Variants in ALDH8A1 observed in about 807,000 individuals in gnomAD.
ALDH8A1 encodes aldehyde dehydrogenase 8 family member A1.
In ALDH8A1, 39 loss-of-function variants were observed where a neutral mutation model predicts 43.3. The ratio of observed to expected loss-of-function variants is 0.90; its 90% confidence interval spans 0.70 to 1.18. The LOEUF (loss-of-function observed/expected upper bound fraction) is 1.18, where lower values mean the gene tolerates loss of function less well. ALDH8A1 is among the 50% of genes most tolerant of loss of function. ALDH8A1 has a pLI of 0.00. For synonymous variants in ALDH8A1, 233 were observed against 243.5 expected, an observed-to-expected ratio of 0.96 and a Z score of 0.40; for missense variants, 605 against 622.6, an observed-to-expected ratio of 0.97 and a Z score of 0.30.
chr6:134,942,353 G>C, intron 3 of ALDH8A1, 56 bp downstream of exon 3: 1 of 1,492,448 alleles, frequency 6.7e-7, no homozygotes, highest in Non-Finnish European at 9.0e-7. Context: ...GCCATAGAAT[G>C]TTGTGAGCAT....
At chr6:134,923,600 T>C (rs1776839558) in intron 6 of ALDH8A1, among the ~76,000 whole-genome samples, 1 of 152,336 alleles carries the variant, frequency 6.6e-6, no homozygotes, top group Middle Eastern at 3.4e-3. Context: ...TAATTTGGTT[T>C]AGTAGAAGAT....
At chr6:134,926,380 T>C (rs968173076) in intron 6 of ALDH8A1, among the ~76,000 whole-genome samples, 2 of 151,982 alleles carry the variant, frequency 1.3e-5, no homozygotes, top group Non-Finnish European at 2.9e-5. Context: ...TTTGTATTTT[T>C]AGTAGAGACA....
At chr6:134,948,423 G>A (rs1773989875) in intron 1 of ALDH8A1, among the ~76,000 whole-genome samples, 1 of 152,118 alleles carries the variant, frequency 6.6e-6, no homozygotes, top group Non-Finnish European at 1.5e-5. Context: ...TAATGTGATG[G>A]AGATCCTAAT....
intron 6 of ALDH8A1, among the ~76,000 whole-genome samples, chr6:134,928,344 G>A (rs1776920549): frequency 1.3e-5 from 2 of 152,220 alleles, no homozygotes; most frequent in African/African-American, 4.8e-5. Context: ...AAGTGGGAGT[G>A]CACTGTGCAG....
intron 4 of ALDH8A1, among the ~76,000 whole-genome samples, chr6:134,934,708 A>G (rs548647662): frequency 7.9e-5 from 12 of 152,254 alleles, no homozygotes; most frequent in African/African-American, 2.6e-4. Flanking sequence ...TCTTGAACCC[A>G]GGAGGCAGAG....
chr6:134,925,913 A>G (rs933067366), intron 6 of ALDH8A1, among the ~76,000 whole-genome samples: 4 of 152,156 alleles, frequency 2.6e-5, no homozygotes, highest in Admixed American at 6.6e-5. Flanking sequence ...GTGAGCAACA[A>G]GAGCAAGGGC....
Position 134,918,530 on chromosome 6 carries a change from A to G in ALDH8A1, c.1349T>C (p.Ile450Thr). 6.2e-7 allele frequency: 1 copy of G among 1,614,170 alleles called. No individual in the cohort carries two copies. The highest frequency in any genetic ancestry group is 8.5e-7 in the Non-Finnish European group (1 of 1,180,028). ...SGLVWTNCWL[I>T]RELNLPFGGM... is the part of the protein sequence containing the mutation. ...CCCGAAAGGAAGGTTCAGCTCCCTG[A>G]TGAGCCAGCAGTTGGTCCAGACCAA... Residue 450 changes from isoleucine (I) to threonine (T), a missense_variant, in exon 7 of 7, where the codon ATC becomes ACC. By Grantham distance (89) the Ile-to-Thr change is moderately conservative. Coordinates refer to ENST00000265605, the MANE Select transcript of ALDH8A1 (RefSeq NM_022568.4).
At chr6:134,947,695 T>G (rs1773976538) in intron 1 of ALDH8A1, among the ~76,000 whole-genome samples, 1 of 151,322 alleles carries the variant, frequency 6.6e-6, no homozygotes, top group African/African-American at 2.4e-5. Context: ...CCACAACGAG[T>G]TATTATCTCA....
intron 6 of ALDH8A1, among the ~76,000 whole-genome samples, chr6:134,921,296 C>T (rs1291851132): frequency 5.9e-5 from 9 of 152,272 alleles, no homozygotes; most frequent in African/African-American, 2.2e-4. Context: ...GTGCTTCCTC[C>T]GGCCTCATTG....
chr6:134,939,653 G>T, intron 3 of ALDH8A1, among the ~76,000 whole-genome samples: 1 of 151,992 alleles, frequency 6.6e-6, no homozygotes, highest in Admixed American at 6.6e-5. Context: ...CCATTTCTTG[G>T]CAGTTCATGA....
At position 134,932,889 on chromosome 6, in the gene ALDH8A1, G is replaced by A. The variant is rs1245841313; in HGVS notation, c.736C>T (p.His246Tyr). 6.2e-7 allele frequency: 1 copy of A among 1,614,104 alleles called. No individual in the cohort carries two copies. Among genetic ancestry groups the A allele is most frequent in the Non-Finnish European group, 8.5e-7 (1 of 1,180,052 alleles). The change falls in exon 5 of 7, where the codon CAC (histidine) becomes TAC (tyrosine). Residue 246 changes from histidine (H) to tyrosine (Y), a missense_variant. By Grantham distance (83) the His-to-Tyr change is moderately conservative. Transcript: ENST00000265605. ...AERITQLSAP[H>Y]CKKLSLELGG... ...AGCTCCAGGGAGAGCTTTTTGCAGT[G>A]GGGAGCGCTCAGCTGGGTGATCCGC...
At chr6:134,928,082 A>G (rs1562252914) in intron 6 of ALDH8A1, among the ~76,000 whole-genome samples, 1 of 152,108 alleles carries the variant, frequency 6.6e-6, no homozygotes. Context: ...CACAAGCCTC[A>G]AGTGAGCCCT....
At chr6:134,935,476 A>G (rs1773717892) in intron 4 of ALDH8A1, among the ~76,000 whole-genome samples, 1 of 152,258 alleles carries the variant, frequency 6.6e-6, no homozygotes, top group Non-Finnish European at 1.5e-5. Flanking sequence ...TGGTTCATGA[A>G]TGGGGAAGCT....
At chr6:134,944,020 G>A in intron 1 of ALDH8A1, 54 bp from the exon 2 acceptor site, 1 of 1,559,482 alleles carries the variant, frequency 6.4e-7, no homozygotes, top group Admixed American at 1.9e-5. Flanking sequence ...GTCCTTGGGG[G>A]ATGGACAAAA....
At position 134,918,699 on chromosome 6, in the gene ALDH8A1, C is replaced by A; in HGVS notation, c.1180G>T (p.Gly394Cys). ...AAGGGGACGACACACGTCACTGGAC[C>A]AAATATCTCTTCCGTCATGCAGCAG... Reference protein sequence around the residue: ...ESCCMTEEIFGPVTCVVPFDS... With the variant: ...ESCCMTEEIFCPVTCVVPFDS... Residue 394 changes from glycine to cysteine, a missense_variant, in exon 7 of 7, where the codon GGT becomes TGT. Physicochemically the swap from Gly to Cys is radical, Grantham distance 159. Transcript: ENST00000265605. The A allele has an allele frequency of 6.2e-7, 1 of 1,614,124 alleles. No homozygotes were observed. The highest frequency in any genetic ancestry group is 2.2e-5 in the East Asian group (1 of 44,878).
intron 4 of ALDH8A1, among the ~76,000 whole-genome samples, chr6:134,934,020 T>C (rs1034260637): frequency 6.6e-6 from 1 of 152,164 alleles, no homozygotes; most frequent in African/African-American, 2.4e-5. Flanking sequence ...ATCCATGATG[T>C]TTTCTGGACT....
chr6:134,936,165 G>A (rs1367973164), intron 4 of ALDH8A1, among the ~76,000 whole-genome samples: 2 of 152,184 alleles, frequency 1.3e-5, no homozygotes, highest in Admixed American at 6.5e-5. Context: ...TAGCCAGGTT[G>A]GTCTTGAACT....
Position 134,918,685 on chromosome 6 carries a change from A to G in ALDH8A1, c.1194T>C (p.Cys398=). The G allele has an allele frequency of 6.2e-7, 1 of 1,614,158 alleles. No individual in the cohort carries two copies. The highest frequency in any genetic ancestry group is 8.5e-7 in the Non-Finnish European group (1 of 1,180,028). The change falls in exon 7 of 7, where the codon TGT becomes TGC. Residue 398 remains cysteine (C), a synonymous_variant. Transcript: ENST00000265605. The part of the protein sequence containing the change: ...MTEEIFGPVT[C]VVPFDSEEEV... ...CCTCTTCACTATCAAAGGGGACGAC[A>G]CACGTCACTGGACCAAATATCTCTT...
Position 134,936,242 on chromosome 6 carries a change from T to C in ALDH8A1, c.592+3024A>G, listed in dbSNP as rs138578445. On this transcript the variant is annotated intron_variant, in intron 4 of 6. Coordinates refer to ENST00000265605, the MANE Select transcript of ALDH8A1 (RefSeq NM_022568.4). ...CTGGGATTACAGGCATAAGCCACCA[T>C]GCCTGGCCAAAGCACCACTTCTAAG... is the stretch of plus-strand genomic sequence containing the variant. 2.8e-4 allele frequency among the ~76,000 whole-genome samples: 42 copies of C among 152,344 alleles called. 1 individual carries two copies. Among genetic ancestry groups the C allele is most frequent in the Admixed American group, 6.5e-4 (10 of 15,298 alleles).
Sources: allele counts gnomAD v4.1 joint callset (sites outside exome capture counted in the v4.1 genomes callset), GRCh38; gene constraint gnomAD v4.1.1; transcripts MANE v1.5; gene names NCBI Gene and HGNC (gene_info 2026-07-23, HGNC 2026-07-21).